The following NKAIN3 variants were observed in gnomAD, a reference collection of about 807,000 sequenced individuals.
The protein encoded by NKAIN3 is sodium/potassium-transporting ATPase subunit beta-1-interacting protein 3.
Under a neutral mutation model 30.2 loss-of-function variants are expected in NKAIN3, and 25 were observed. The observed-to-expected ratio is 0.83, with a 90% CI of 0.60 to 1.16. NKAIN3 has a LOEUF of 1.16. Among genes scored for constraint, NKAIN3 ranks in the 50% most tolerant of loss-of-function variants. NKAIN3 has a pLI of 0.00. For missense variants in NKAIN3, 225 were observed against 254.1 expected (o/e 0.89, Z 0.78); for synonymous variants, 91 against 89.6 (o/e 1.02, Z -0.09).
chr8:62,707,228 CT>C (rs1814559173), intron 3 of NKAIN3, among the ~76,000 whole-genome samples: 1 of 151,970 alleles, frequency 6.6e-6, no homozygotes, highest in Non-Finnish European at 1.5e-5. Flanking sequence ...ACTTGTTTTC[CT>C]CTGTGTACAT....
At chr8:62,507,724 C>T (rs1807686243) in intron 1 of NKAIN3, among the ~76,000 whole-genome samples, 1 of 152,190 alleles carries the variant, frequency 6.6e-6, no homozygotes, top group Non-Finnish European at 1.5e-5. Flanking sequence ...TTGTTTCCCT[C>T]TCCCACAATA....
At chr8:62,647,851 T>C (rs1054297379) in intron 3 of NKAIN3, among the ~76,000 whole-genome samples, 4 of 152,174 alleles carry the variant, frequency 2.6e-5, no homozygotes, top group African/African-American at 9.7e-5. Context: ...TTGAGATTGA[T>C]GTTTCAAAGA....
At chr8:62,859,702 C>T (rs1820183707) in intron 4 of NKAIN3, among the ~76,000 whole-genome samples, 1 of 151,726 alleles carries the variant, frequency 6.6e-6, no homozygotes, top group Admixed American at 6.6e-5. Context: ...ATAGTAAATC[C>T]TACAAGATTT....
Position 62,506,230 on chromosome 8 carries a change from G to A in NKAIN3, c.55-73309G>A, listed in dbSNP as rs545189247. ...TTCAGGGATCCATATGAGAATATTG[G>A]GGGGGGGGACATTATTTCACCTGCC... On this transcript the variant is annotated intron_variant, in intron 1 of 6. Coordinates refer to ENST00000623646, the MANE Select transcript of NKAIN3 (RefSeq NM_001304533.3). 2.3e-4 allele frequency among the ~76,000 whole-genome samples: 32 copies of A among 142,054 alleles called. No homozygotes were observed. In the East Asian group the frequency reaches 6.2e-3, roughly 28 times the overall value. The allele number at this position is 142,054 out of a possible 152,430, so 93.2% of individuals were successfully genotyped here.
chr8:62,408,480 AT>A (rs1483398422), intron 1 of NKAIN3, among the ~76,000 whole-genome samples: 1 of 152,210 alleles, frequency 6.6e-6, no homozygotes, highest in Non-Finnish European at 1.5e-5. Context: ...AAAATTATTA[AT>A]AGTATGAAAG....
intron 4 of NKAIN3, among the ~76,000 whole-genome samples, chr8:62,805,180 T>C (rs1394080728): frequency 2.6e-5 from 4 of 152,096 alleles, no homozygotes; most frequent in South Asian, 2.1e-4. Context: ...GAACATTCCA[T>C]GCTCATGGGT....
chr8:62,958,170 T>C (rs1226588078), intron 6 of NKAIN3, among the ~76,000 whole-genome samples: 2 of 151,834 alleles, frequency 1.3e-5, no homozygotes, highest in Non-Finnish European at 2.9e-5. Context: ...ATAGTTCTCG[T>C]ATAAAGTGAG....
rs757581040 is a variant in NKAIN3, at chr8:62,266,146, A to G, written c.54+17019A>G. ...GGGGAGAAATAAGGGGACACCAAGC[A>G]AGGAGCCCTGGACCCCTCTCCTGGC... On this transcript the variant is annotated intron_variant, in intron 1 of 6. Coordinates refer to ENST00000623646, the MANE Select transcript of NKAIN3 (RefSeq NM_001304533.3). 1.7e-3 allele frequency among the ~76,000 whole-genome samples: 261 copies of G among 152,286 alleles called. 1 individual carries two copies. The highest frequency in any genetic ancestry group is 2.7e-3 in the Non-Finnish European group (187 of 68,032).
At chr8:62,527,154 C>G (rs1808329099) in intron 1 of NKAIN3, among the ~76,000 whole-genome samples, 1 of 152,168 alleles carries the variant, frequency 6.6e-6, no homozygotes, top group Non-Finnish European at 1.5e-5. Context: ...ATCCAACCAG[C>G]CTCCCATCCT....
intron 2 of NKAIN3, among the ~76,000 whole-genome samples, chr8:62,581,695 C>T (rs1810296282): frequency 6.6e-6 from 1 of 152,132 alleles, no homozygotes; most frequent in East Asian, 1.9e-4. Flanking sequence ...TCATATCTAA[C>T]CATTCTTCCT....
chr8:62,703,634 G>A (rs1036642528), intron 3 of NKAIN3, among the ~76,000 whole-genome samples: 6 of 152,080 alleles, frequency 3.9e-5, no homozygotes, highest in Admixed American at 2.0e-4. Flanking sequence ...ATCTCCCTGC[G>A]GAAACATCCT....
intron 1 of NKAIN3, among the ~76,000 whole-genome samples, chr8:62,250,968 A>G (rs1812082446): frequency 6.6e-6 from 1 of 152,172 alleles, no homozygotes; most frequent in South Asian, 2.1e-4. Flanking sequence ...TCTCACCACT[A>G]GATTGTAAGC....
chr8:62,840,263 T>C (rs1819493113), intron 4 of NKAIN3, among the ~76,000 whole-genome samples: 2 of 152,056 alleles, frequency 1.3e-5, no homozygotes, highest in African/African-American at 4.8e-5. Context: ...TTTAGTGACC[T>C]GGTCATGTAC....
At chr8:62,827,334 T>C (rs894283464) in intron 4 of NKAIN3, among the ~76,000 whole-genome samples, 4 of 152,136 alleles carry the variant, frequency 2.6e-5, no homozygotes, top group Non-Finnish European at 5.9e-5. Context: ...CAATTTGCCT[T>C]CTCTGCAGTT....
intron 1 of NKAIN3, among the ~76,000 whole-genome samples, chr8:62,382,139 G>A (rs1200733187): frequency 6.6e-6 from 1 of 152,068 alleles, no homozygotes. Context: ...TCCTACTGTT[G>A]ACTGGAAGGC....
chr8:62,796,615 A>G (rs944061311), intron 4 of NKAIN3, among the ~76,000 whole-genome samples: 1 of 152,138 alleles, frequency 6.6e-6, no homozygotes, highest in Non-Finnish European at 1.5e-5. Context: ...ATATTTTCTC[A>G]TAACAACACT....
At chr8:62,738,492 G>A (rs1017321602) in intron 3 of NKAIN3, among the ~76,000 whole-genome samples, 3 of 151,622 alleles carry the variant, frequency 2.0e-5, no homozygotes, top group East Asian at 1.9e-4. Context: ...CCAGCTACTC[G>A]GGAGGCAGAG....
At chr8:62,273,934 C>A (rs1194861490) in intron 1 of NKAIN3, among the ~76,000 whole-genome samples, 2 of 152,136 alleles carry the variant, frequency 1.3e-5, no homozygotes, top group Non-Finnish European at 2.9e-5. Flanking sequence ...ACAATCTGGG[C>A]CAGGTGCTGA....
chr8:62,501,043 A>T (rs980115031), intron 1 of NKAIN3, among the ~76,000 whole-genome samples: 1 of 152,208 alleles, frequency 6.6e-6, no homozygotes, highest in Non-Finnish European at 1.5e-5. Flanking sequence ...ACATAAACAT[A>T]TTCTTATACA....
Sources: gnomAD v4.1 joint callset for allele counts (sites outside exome capture counted in the v4.1 genomes callset) on GRCh38, gnomAD v4.1.1 for gene constraint, MANE v1.5 for transcripts, NCBI Gene and HGNC (gene_info 2026-07-23, HGNC 2026-07-21) for gene names.